Variants in FAP observed in about 807,000 individuals in gnomAD.
FAP encodes prolyl endopeptidase FAP.
FAP carries 110 observed loss-of-function variants against 126.5 expected under a neutral mutation model. The ratio of observed to expected loss-of-function variants is 0.87; its 90% CI spans 0.74 to 1.02. FAP has a LOEUF of 1.02. Ranked by LOEUF, FAP falls within the 50% of genes least tolerant of loss-of-function variation. The probability of loss-of-function intolerance (pLI) is 0.00; values close to 1 mark genes in which losing one functional copy is unlikely to be tolerated. For synonymous variants in FAP, 334 were observed against 297.3 expected (o/e 1.12, Z -1.27); for missense variants, 919 against 909.2 (o/e 1.01, Z -0.14).
At position 162,218,062 on chromosome 2, in the gene FAP, G is replaced by A. The variant is rs79793562; in HGVS notation, c.686C>T (p.Thr229Met). The A allele has an allele frequency of 7.4e-4, 1,188 of 1,604,416 alleles. 14 individuals are homozygous for A. In the African/African-American group the frequency reaches 0.014, roughly 19 times the overall value. The change falls in exon 9 of 26, where the codon ACG (threonine) becomes ATG (methionine). Residue 229 changes from threonine (T) to methionine (M), a missense_variant. Transcript: ENST00000188790. ...KFLAYAEFND[T>M]DIPVIAYSYY... Reference sequence around the variant, plus strand: ...GGAATAGGCAATAACTGGTATATCCGTATCATTAAATTCCGCATATGCCAA... The same window carrying A: ...GGAATAGGCAATAACTGGTATATCCATATCATTAAATTCCGCATATGCCAA...
intron 2 of FAP, among the ~76,000 whole-genome samples, chr2:162,236,724 C>T (rs899978543): frequency 1.3e-5 from 2 of 152,156 alleles, no homozygotes; most frequent in East Asian, 3.9e-4. Context: ...AATTCTGCCT[C>T]AGCCTCCTGA....
intron 2 of FAP, among the ~76,000 whole-genome samples, chr2:162,237,842 C>T (rs986804581): frequency 2.0e-5 from 3 of 152,204 alleles, no homozygotes; most frequent in Admixed American, 1.3e-4. Flanking sequence ...TATTTCTCCA[C>T]ATCCTCTCCA....
Position 162,175,127 on chromosome 2 carries a change from A to G in FAP, c.1870-161T>C, listed in dbSNP as rs1451952629. 15 of 550,858 alleles carry G rather than the reference A, an allele frequency of 2.7e-5. No homozygotes were observed. In the East Asian group the frequency reaches 4.0e-4, roughly 15 times the overall value. The allele number at this position is 550,858 out of a possible 1,614,324, so 34.1% of individuals were successfully genotyped here. ...TTGCATCCTCGGCAGCAAGCTTCAG[A>G]TAAATGACCAGACATAATGGTAATT... is the stretch of plus-strand genomic sequence containing the variant. On this transcript the variant is annotated intron_variant, in intron 21 of 25. Coordinates refer to ENST00000188790, the MANE Select transcript of FAP (RefSeq NM_004460.5).
rs1230287375 is a variant in FAP, at chr2:162,181,969, C to CTTTGCTCAAA, written c.1869+1435_1869+1444dup. ...CACGTGGCAGCCCATTTCTTACTTTCTTTGCTCAAATTTGCTCTGAGTCGA... is the reference window on the plus strand; with the variant it reads ...CACGTGGCAGCCCATTTCTTACTTTCTTTGCTCAAATTTGCTCAAATTTGCTCTGAGTCGA... On this transcript the variant is annotated intron_variant, in intron 21 of 25. Coordinates refer to ENST00000188790, the MANE Select transcript of FAP (RefSeq NM_004460.5). 1.1e-4 allele frequency among the ~76,000 whole-genome samples: 17 copies of CTTTGCTCAAA among 152,316 alleles called. No individual in the cohort carries two copies. In the South Asian group the frequency reaches 3.5e-3, roughly 32 times the overall value.
At chr2:162,202,575 A>T (rs949302052) in intron 14 of FAP, among the ~76,000 whole-genome samples, 2 of 152,234 alleles carry the variant, frequency 1.3e-5, no homozygotes, top group African/African-American at 4.8e-5. Flanking sequence ...TCATTGCTTC[A>T]AGTGCTGAAG....
At chr2:162,198,201 G>A (rs1035031404) in intron 16 of FAP, 52 of 1,289,346 alleles carry the variant, frequency 4.0e-5, no homozygotes, top group Non-Finnish European at 5.2e-5. Context: ...ATTTAGAAAG[G>A]ACAAAGGTTC....
rs1576163139 is a variant in FAP, at chr2:162,203,056, A to G, written c.1137T>C (p.Tyr379=). 1 of 1,612,382 alleles carries G rather than the reference A, an allele frequency of 6.2e-7. No homozygotes were observed. Among genetic ancestry groups the G allele is most frequent in the Non-Finnish European group, 8.5e-7 (1 of 1,178,444 alleles). Residue 379 remains tyrosine (Y), a synonymous_variant, in exon 13 of 26, where the codon TAT becomes TAC. Coordinates refer to ENST00000188790, the MANE Select transcript of FAP (RefSeq NM_004460.5). The part of the protein sequence containing the change: ...SDKDGYKHIH[Y]IKDTVENAIQ... ...AGGAACGTACCACAGTGTCTTTGAT[A>G]TAGTGAATATGTTTGTAGCCATCCT...
At chr2:162,181,717 T>C (rs531871413) in intron 21 of FAP, among the ~76,000 whole-genome samples, 8 of 152,326 alleles carry the variant, frequency 5.3e-5, no homozygotes, top group Non-Finnish European at 1.2e-4. Context: ...TTGTTGTCTG[T>C]TTCCCCCACA....
chr2:162,201,306 AG>A (rs1459529101), intron 14 of FAP, among the ~76,000 whole-genome samples: 2 of 152,184 alleles, frequency 1.3e-5, no homozygotes, highest in Admixed American at 6.5e-5. Flanking sequence ...TAGGACAATT[AG>A]GCAGTCCAGT....
chr2:162,190,290 A>T (rs1363264033), intron 17 of FAP, among the ~76,000 whole-genome samples: 1 of 151,966 alleles, frequency 6.6e-6, no homozygotes, highest in Non-Finnish European at 1.5e-5. Flanking sequence ...TTAATAAAGG[A>T]TATTCTCCTG....
Position 162,203,206 on chromosome 2 carries a change from G to C in FAP, c.1048-61C>G, listed in dbSNP as rs1054023390. ...AAACCAAACTAAAACCATAGATTTT[G>C]TTTTAATATATAAAAGCGACGTATG... is the stretch of plus-strand genomic sequence containing the variant. On this transcript the variant is annotated intron_variant, in intron 12 of 25. Transcript: ENST00000188790. The C allele has an allele frequency of 1.9e-5, 22 of 1,139,672 alleles. No homozygotes were observed. In the African/African-American group the frequency reaches 2.8e-4, roughly 15 times the overall value. 70.6% of individuals were successfully genotyped at this position (1,139,672 alleles called of 1,614,324 possible).
chr2:162,203,821 T>G (rs910209157), intron 12 of FAP, among the ~76,000 whole-genome samples: 3 of 152,228 alleles, frequency 2.0e-5, no homozygotes, highest in African/African-American at 7.2e-5. Flanking sequence ...GGCTCTTTAG[T>G]GTGCCTTGAA....
intron 21 of FAP, among the ~76,000 whole-genome samples, chr2:162,182,669 G>A (rs1052601357): frequency 6.6e-6 from 1 of 152,144 alleles, no homozygotes; most frequent in African/African-American, 2.4e-5. Context: ...ACTTGCAAAT[G>A]TACAAATTCA....
chr2:162,242,812 T>C lies in FAP; in HGVS notation c.91+96A>G, dbSNP rs937360203. ...GAAATAACAGACTTACTTTGGAACA[T>C]AAGCACTTAGGAAATGTTCAACCAC... On this transcript the variant is annotated intron_variant, in intron 2 of 25. Coordinates refer to ENST00000188790, the MANE Select transcript of FAP (RefSeq NM_004460.5). 1.3e-5 allele frequency: 11 copies of C among 861,532 alleles called. No homozygotes were observed. The African/African-American group carries it at 1.4e-4, about 11-fold the overall frequency. 53.4% of individuals were successfully genotyped at this position (861,532 alleles called of 1,614,324 possible).
chr2:162,173,447 G>A (rs1687384027), intron 23 of FAP, among the ~76,000 whole-genome samples: 1 of 151,966 alleles, frequency 6.6e-6, no homozygotes, highest in Non-Finnish European at 1.5e-5. Context: ...ACATATGAGT[G>A]AGACCTTAGG....
chr2:162,186,795 A>G (rs977612340), intron 20 of FAP, among the ~76,000 whole-genome samples: 4 of 152,030 alleles, frequency 2.6e-5, no homozygotes, highest in Non-Finnish European at 2.9e-5. Context: ...TCCCCCATGG[A>G]ATTAAGCTAT....
chr2:162,191,559 A>G (rs535143565), intron 17 of FAP, among the ~76,000 whole-genome samples: 131 of 152,252 alleles, frequency 8.6e-4, no homozygotes, highest in African/African-American at 2.9e-3. Context: ...AGTATCTGGC[A>G]TGTAGTATCT....
rs374652964 is a variant in FAP at position 162,172,857 on chromosome 2, T to A, written c.2135A>T (p.Gln712Leu). 9.3e-6 allele frequency: 15 copies of A among 1,612,924 alleles called. No homozygotes were observed. Among genetic ancestry groups the A allele is most frequent in the Non-Finnish European group, 1.3e-5 (15 of 1,179,300 alleles). The change falls in exon 25 of 26, where the codon CAG (glutamine) becomes CTG (leucine). Residue 712 changes from glutamine (Q) to leucine (L), a missense_variant. Transcript: ENST00000188790. The stretch of plus-strand genomic sequence containing the variant: ...TGCATTAACCAGAGCTTTAGCAATC[T>A]GTGCTGAGTTTTGAAAGTGCACATT... ...DDNVHFQNSAQIAKALVNAQV... is the reference protein window; with the variant it reads ...DDNVHFQNSALIAKALVNAQV...
intron 17 of FAP, 26 bp downstream of exon 17, chr2:162,194,675 G>C (rs373564307): frequency 4.4e-5 from 71 of 1,608,352 alleles, no homozygotes; most frequent in Non-Finnish European, 5.4e-5. Context: ...CTTGAGACAA[G>C]ATAGATAACA....
Sources: gnomAD v4.1 joint callset for allele counts (sites outside exome capture counted in the v4.1 genomes callset) on GRCh38, gnomAD v4.1.1 for gene constraint, MANE v1.5 for transcripts, NCBI Gene and HGNC (gene_info 2026-07-23, HGNC 2026-07-21) for gene names.